Variants in CLN6 observed in about 807,000 individuals in gnomAD.
The protein encoded by CLN6 is ceroid-lipofuscinosis neuronal protein 6.
A neutral mutation model predicts 33.3 loss-of-function variants in CLN6; 22 were observed. That is an observed-to-expected ratio of 0.66 (90% CI 0.47 to 0.94). The LOEUF is 0.94. Ranked by LOEUF, CLN6 falls within the 40% of genes least tolerant of loss-of-function variation. CLN6 has a pLI of 0.00. For missense variants in CLN6, 387 were observed against 417.1 expected, an observed-to-expected ratio of 0.93 and a Z score of 0.63; for synonymous variants, 201 against 174.6, an observed-to-expected ratio of 1.15 and a Z score of -1.19.
chr15:68,207,852 A>AG lies in CLN6; in HGVS notation c.*287dup. ...AGTGTGGTCAGGTGCAGAGGAGGGC[A>AG]GGGGCCCGGATCCTGGCCCAGAAAC... On this transcript the variant is annotated 3_prime_UTR_variant, in exon 7 of 7. Transcript: ENST00000249806. The AG allele has an allele frequency of 4.3e-6, 2 of 467,728 alleles. No homozygotes were observed. The highest frequency in any genetic ancestry group is 7.9e-6 in the Non-Finnish European group (2 of 253,900). The allele number at this position is 467,728 out of a possible 1,614,324, so 29.0% of individuals were successfully genotyped here. A position where few individuals can be genotyped will look rare whatever the true frequency, so the allele number is the denominator to read the frequency against.
rs1235695618 is a variant in CLN6, at chr15:68,235,626, ATATATATC to A, written c.180-16984_180-16977del. On this transcript the variant is annotated intron_variant, in intron 1 of 6. Transcript: ENST00000538696. ...TATATATATATATATATATATATAT[ATATATATC>A]GATTAATCGATGGAATACATAGGGC... 1.0e-3 allele frequency among the ~76,000 whole-genome samples: 96 copies of A among 93,484 alleles called. 2 individuals carry two copies. The highest frequency in any genetic ancestry group is 2.5e-3 in the African/African-American group (73 of 29,074). 61.3% of individuals were successfully genotyped at this position (93,484 alleles called of 152,430 possible).
upstream of CLN6, chr15:68,229,852 GGGGC>G (rs2093265192): frequency 3.7e-6 from 1 of 272,182 alleles, no homozygotes; most frequent in African/African-American, 2.2e-5. Context: ...GCGTCCTCGC[GGGGC>G]GGGGGCTGCT....
At chr15:68,257,001 G>A (rs1892444718) in exon 1 of CLN6, 9 of 546,878 alleles carry the variant, frequency 1.6e-5, no homozygotes. Context: ...TGTATCTAGG[G>A]ACTGAGCGCG....
chr15:68,240,894 G>T (rs1231391455), intron 1 of CLN6, among the ~76,000 whole-genome samples: 2 of 150,558 alleles, frequency 1.3e-5, no homozygotes, highest in African/African-American at 4.9e-5. Flanking sequence ...TGAGACAGGA[G>T]AATCGCTTGA....
chr15:68,254,289 C>T (rs1025710302), intron 1 of CLN6, among the ~76,000 whole-genome samples: 20 of 152,140 alleles, frequency 1.3e-4, no homozygotes, highest in African/African-American at 4.6e-4. Flanking sequence ...AGGGAGCATA[C>T]AGGTGGATGC....
In CLN6 at chr15:68,210,304, C is replaced by G. The variant is rs909784268; in HGVS notation, c.543-545G>C. Among the ~76,000 whole-genome samples, 2 of 152,018 alleles carry G rather than the reference C, an allele frequency of 1.3e-5. No individual in the cohort carries two copies. The highest frequency in any genetic ancestry group is 2.4e-5 in the African/African-American group (1 of 41,376). Reference sequence around the variant, plus strand: ...CCACCTGTGCTTTCACCAGTATACCCGCCTGCCTCTTCTCACCCACACCCC... The same window carrying G: ...CCACCTGTGCTTTCACCAGTATACCGGCCTGCCTCTTCTCACCCACACCCC... On this transcript the variant is annotated intron_variant, in intron 5 of 6. Transcript: ENST00000249806. This position sits in a 1 kb window ranked among gnomAD's most constrained non-coding sequence, Gnocchi z 5.6.
Position 68,234,805 on chromosome 15 carries a change from T to C in CLN6, c.180-16155A>G, listed in dbSNP as rs1157058699. Among the ~76,000 whole-genome samples the C allele has an allele frequency of 6.6e-6, 1 of 152,120 alleles. No individual in the cohort carries two copies. The highest frequency in any genetic ancestry group is 1.5e-5 in the Non-Finnish European group (1 of 68,020). On this transcript the variant is annotated intron_variant, in intron 1 of 6. Transcript: ENST00000538696. This position sits in a 1 kb window ranked among gnomAD's most constrained non-coding sequence, Gnocchi z 4.1. ...GCCAAGGTGAGCAGATCATTTGAGG[T>C]CGGGAGTTTGAGACCAGCCTGGCCA... is the stretch of plus-strand genomic sequence containing the variant.
upstream of CLN6, chr15:68,229,874 CCGGGCTGCGCGCGTGACCACCAG>C (rs1203811834): frequency 4.0e-6 from 1 of 249,976 alleles, no homozygotes; most frequent in African/African-American, 2.3e-5. Flanking sequence ...GCTGGCCTGT[CCGGGCTGCGCGCGTGACCACCAG>C]CGGGCTGGGA....
In CLN6 at chr15:68,211,953, T is replaced by G; in HGVS notation, c.298-90A>C. 7.6e-7 allele frequency: 1 copy of G among 1,322,530 alleles called. No homozygotes were observed. The highest frequency in any genetic ancestry group is 1.1e-6 in the Non-Finnish European group (1 of 940,748). The allele number at this position is 1,322,530 out of a possible 1,614,324, so 81.9% of individuals were successfully genotyped here. ...TTCCCCCCTCACACCTGGGGTGGGATGGACGCTTCCAGCTGGAATGTCACT... is the reference window on the plus strand; with the variant it reads ...TTCCCCCCTCACACCTGGGGTGGGAGGGACGCTTCCAGCTGGAATGTCACT... On this transcript the variant is annotated intron_variant, in intron 3 of 6. Coordinates refer to ENST00000249806, the MANE Select transcript of CLN6 (RefSeq NM_017882.3). The surrounding 1 kb of genome is among the most constrained non-coding windows in gnomAD (Gnocchi z 5.9).
intron 1 of CLN6, among the ~76,000 whole-genome samples, chr15:68,243,823 G>A (rs1339371645): frequency 5.9e-5 from 9 of 151,686 alleles, no homozygotes; most frequent in Non-Finnish European, 1.3e-4. Flanking sequence ...CAGCACTTTG[G>A]GAGGCTGAGG....
chr15:68,249,230 A>G (rs73427825), intron 1 of CLN6, among the ~76,000 whole-genome samples: 8,406 of 152,300 alleles, frequency 0.055, 759 homozygotes, highest in African/African-American at 0.19. Context: ...GTGGGAATGT[A>G]AATTACCACA....
chr15:68,220,222 T>G lies in CLN6; in HGVS notation c.84-1572A>C, dbSNP rs2093231730. 6.6e-6 allele frequency among the ~76,000 whole-genome samples: 1 copy of G among 152,200 alleles called. No individual in the cohort carries two copies. The highest frequency in any genetic ancestry group is 2.4e-5 in the African/African-American group (1 of 41,448). On this transcript the variant is annotated intron_variant, in intron 1 of 6. Coordinates refer to ENST00000249806, the MANE Select transcript of CLN6 (RefSeq NM_017882.3). This position sits in a 1 kb window ranked among gnomAD's most constrained non-coding sequence, Gnocchi z 4.2. ...CTTCCTGTCCCCTCTACTCGGTATC[T>G]TCCACCCCCTCACTGAACACCAACT... is the stretch of plus-strand genomic sequence containing the variant.
At position 68,256,779 on chromosome 15, in the gene CLN6, C is replaced by T; in HGVS notation, c.90G>A (p.Glu30=). 4.3e-6 allele frequency: 3 copies of T among 702,336 alleles called. No individual in the cohort carries two copies. The highest frequency in any genetic ancestry group is 5.2e-6 in the Non-Finnish European group (2 of 384,762). The allele number at this position is 702,336 out of a possible 1,614,324, so 43.5% of individuals were successfully genotyped here. The change falls in exon 1 of 7, where the codon GAG becomes GAA. Residue 30 remains glutamate, a synonymous_variant. Transcript: ENST00000538696. The surrounding 1 kb of genome is among the most constrained non-coding windows in gnomAD (Gnocchi z 4.1). Reference sequence around the variant, plus strand: ...GCTTGAAGGCTCGGCTCAAGCCCGCCTCGCCTCCCTCCCTCCTAGGGATGG... The same window carrying T: ...GCTTGAAGGCTCGGCTCAAGCCCGCTTCGCCTCCCTCCCTCCTAGGGATGG...
At position 68,210,884 on chromosome 15, in the gene CLN6, C is replaced by T. The variant is rs2093202995; in HGVS notation, c.542+379G>A. 1.3e-5 allele frequency among the ~76,000 whole-genome samples: 2 copies of T among 152,180 alleles called. No homozygotes were observed. The highest frequency in any genetic ancestry group is 4.8e-5 in the African/African-American group (2 of 41,444). ...TCCCTGGCTGTGCCCCCACCCCCTGCCATCACCATCTGGGGGTTGTTTATC... is the reference window on the plus strand; with the variant it reads ...TCCCTGGCTGTGCCCCCACCCCCTGTCATCACCATCTGGGGGTTGTTTATC... On this transcript the variant is annotated intron_variant, in intron 5 of 6. Transcript: ENST00000249806. The surrounding 1 kb of genome is among the most constrained non-coding windows in gnomAD (Gnocchi z 5.6).
chr15:68,218,157 C>A, intron 2 of CLN6: 2 of 271,334 alleles, frequency 7.4e-6, no homozygotes, highest in South Asian at 4.1e-5. Flanking sequence ...TGGGGAAGGA[C>A]AGGGGAGACG....
At chr15:68,230,645 C>T (rs578017688), upstream of CLN6, among the ~76,000 whole-genome samples, 1 of 152,318 alleles carries the variant, frequency 6.6e-6, no homozygotes, top group South Asian at 2.1e-4. This position sits in a 1 kb window ranked among gnomAD's most constrained non-coding sequence, Gnocchi z 4.0. Flanking sequence ...CAAGAAGATG[C>T]CTATTGCATC....
chr15:68,245,032 C>CCAA (rs1892316556), intron 1 of CLN6, among the ~76,000 whole-genome samples: 2 of 101,156 alleles, frequency 2.0e-5, no homozygotes, highest in Non-Finnish European at 1.9e-5. Flanking sequence ...AAGACTCTGA[C>CCAA]AAAAAAAAAA....
chr15:68,215,299 G>T (rs141353848), intron 2 of CLN6: 1 of 152,228 alleles, frequency 6.6e-6, no homozygotes, highest in Non-Finnish European at 1.5e-5. Context: ...CAGTGTGCAT[G>T]TGTTTATCTG....
In CLN6 at chr15:68,211,086, G is replaced by T. The variant is rs1025172658; in HGVS notation, c.542+177C>A. Among the ~76,000 whole-genome samples the T allele has an allele frequency of 6.6e-6, 1 of 152,146 alleles. No homozygotes were observed. Among genetic ancestry groups the T allele is most frequent in the African/African-American group, 2.4e-5 (1 of 41,424 alleles). On this transcript the variant is annotated intron_variant, in intron 5 of 6. Transcript: ENST00000249806. The surrounding 1 kb of genome is among the most constrained non-coding windows in gnomAD (Gnocchi z 5.9). Reference sequence around the variant, plus strand: ...GCCTGGGACAGCAGCTGGGTCTCCCGGGCAACCTCGGGGACAACTTCACTG... The same window carrying T: ...GCCTGGGACAGCAGCTGGGTCTCCCTGGCAACCTCGGGGACAACTTCACTG...
Sources: allele counts gnomAD v4.1 joint callset (sites outside exome capture counted in the v4.1 genomes callset), GRCh38; gene constraint gnomAD v4.1.1; non-coding constraint Gnocchi (gnomAD v3.1); transcripts MANE v1.5; gene names NCBI Gene and HGNC (gene_info 2026-07-23, HGNC 2026-07-21).